The following RALYL variants were observed in gnomAD, a reference collection of about 807,000 sequenced individuals.
RALYL encodes RNA-binding Raly-like protein.
In RALYL, 29 loss-of-function variants were observed where a neutral mutation model predicts 35.1. The ratio of observed to expected loss-of-function variants is 0.83; its 90% CI spans 0.61 to 1.13. RALYL has a LOEUF of 1.13. Ranked by LOEUF, RALYL falls within the 50% of genes most tolerant of loss-of-function variation. The pLI, the probability that RALYL is intolerant of heterozygous loss-of-function variation, is 0.00. For synonymous variants in RALYL, 120 were observed against 127.6 expected (o/e 0.94, Z 0.40); for missense variants, 359 against 360.4 (o/e 1.00, Z 0.03).
intron 2 of RALYL, among the ~76,000 whole-genome samples, chr8:84,745,654 T>C (rs1197307444): frequency 6.6e-6 from 1 of 152,032 alleles, no homozygotes; most frequent in Non-Finnish European, 1.5e-5. Flanking sequence ...GTATCTCTTA[T>C]TTTATAAAGA....
chr8:84,573,976 C>T (rs563015012), intron 2 of RALYL, among the ~76,000 whole-genome samples: 26 of 151,854 alleles, frequency 1.7e-4, no homozygotes, highest in Non-Finnish European at 1.5e-4. Context: ...TCTTTTTCTA[C>T]TAACCTTTCT....
In RALYL at chr8:84,891,638, A is replaced by G. The variant is rs1457372543; in HGVS notation, c.858+3862A>G. Among the ~76,000 whole-genome samples the G allele has an allele frequency of 2.6e-5, 4 of 152,174 alleles. No homozygotes were observed. The East Asian group carries it at 7.7e-4, about 29-fold the overall frequency. On this transcript the variant is annotated intron_variant, in intron 8 of 8. Coordinates refer to ENST00000521268, the MANE Select transcript of RALYL (RefSeq NM_173848.7). ...ACTAGAGATAAATCCTATCTCTATTATATCATTTTGTTTCTAAGACTTGGA... is the reference window on the plus strand; with the variant it reads ...ACTAGAGATAAATCCTATCTCTATTGTATCATTTTGTTTCTAAGACTTGGA...
At chr8:84,763,746 C>T (rs1813233384) in intron 2 of RALYL, among the ~76,000 whole-genome samples, 1 of 152,056 alleles carries the variant, frequency 6.6e-6, no homozygotes, top group Non-Finnish European at 1.5e-5. Flanking sequence ...ACAGAGGACA[C>T]AAAATAACTT....
intron 1 of RALYL, among the ~76,000 whole-genome samples, chr8:84,508,183 T>C (rs1371871807): frequency 2.8e-4 from 43 of 152,132 alleles, no homozygotes; most frequent in Admixed American, 2.8e-3. Context: ...GCATGTGTTG[T>C]TCAAGTTCAC....
At chr8:84,214,413 A>C (rs1161245618) in intron 1 of RALYL, among the ~76,000 whole-genome samples, 4 of 152,154 alleles carry the variant, frequency 2.6e-5, no homozygotes, top group Non-Finnish European at 5.9e-5. Context: ...AATTTAAATA[A>C]ACTAAGTAGA....
chr8:84,320,592 G>A (rs995746632), intron 1 of RALYL, among the ~76,000 whole-genome samples: 1 of 152,014 alleles, frequency 6.6e-6, no homozygotes, highest in Non-Finnish European at 1.5e-5. Flanking sequence ...GAATTTAAAT[G>A]TTAGTTGTTG....
intron 1 of RALYL, among the ~76,000 whole-genome samples, chr8:84,218,420 G>A (rs949155001): frequency 1.3e-5 from 2 of 152,148 alleles, no homozygotes; most frequent in East Asian, 3.9e-4. Flanking sequence ...AATGCTGTCA[G>A]TTCAACTGTG....
intron 1 of RALYL, among the ~76,000 whole-genome samples, chr8:84,318,816 A>G (rs544504133): frequency 1.2e-4 from 18 of 152,276 alleles, no homozygotes; most frequent in African/African-American, 4.1e-4. Flanking sequence ...AGGTAATTCT[A>G]TGAAGCATGT....
Position 84,705,913 on chromosome 8 carries a change from G to C in RALYL, c.257-68666G>C, listed in dbSNP as rs1400264114. On this transcript the variant is annotated intron_variant, in intron 2 of 8. Transcript: ENST00000521268. ...CCCTGGCTTTCACTGTGTGATTGCT[G>C]GTTACCTTCTGTCAGTGAGCAACAG... 2.0e-6 allele frequency: 3 copies of C among 1,490,100 alleles called. No homozygotes were observed. The African/African-American group carries it at 4.2e-5, about 21-fold the overall frequency. The allele number at this position is 1,490,100 out of a possible 1,614,324, so 92.3% of individuals were successfully genotyped here. A position where few individuals can be genotyped will look rare whatever the true frequency, so the allele number is the denominator to read the frequency against.
intron 1 of RALYL, among the ~76,000 whole-genome samples, chr8:84,460,597 G>T (rs141611455): frequency 0.012 from 1,787 of 151,742 alleles, 32 homozygotes; most frequent in African/African-American, 0.04. Flanking sequence ...ATCTAAAAAA[G>T]GGGGAAAAGC....
chr8:84,385,427 A>G (rs1407594796), intron 1 of RALYL, among the ~76,000 whole-genome samples: 4 of 151,972 alleles, frequency 2.6e-5, no homozygotes, highest in Non-Finnish European at 4.4e-5. Context: ...TGAACCTTAA[A>G]TATGATACTT....
chr8:84,711,135 A>G (rs1301932851), intron 2 of RALYL, among the ~76,000 whole-genome samples: 1 of 152,144 alleles, frequency 6.6e-6, no homozygotes, highest in Non-Finnish European at 1.5e-5. Flanking sequence ...CCTGAGGAAC[A>G]TTGGGATAAT....
Position 84,654,270 on chromosome 8 carries a change from C to CATATATATATATAT in RALYL, c.257-120278_257-120265dup, listed in dbSNP as rs143309933. On this transcript the variant is annotated intron_variant, in intron 2 of 8. Coordinates refer to ENST00000521268, the MANE Select transcript of RALYL (RefSeq NM_173848.7). ...CAACGTATATGTATATCTCATGTTC[C>CATATATATATATAT]ATATATATATATATATATATATATA... Among the ~76,000 whole-genome samples the CATATATATATATAT allele has an allele frequency of 6.7e-4, 30 of 44,522 alleles. 2 individuals carry two copies. The highest frequency in any genetic ancestry group is 1.5e-3 in the East Asian group (1 of 660). The allele number at this position is 44,522 out of a possible 152,430, so 29.2% of individuals were successfully genotyped here. A position where few individuals can be genotyped will look rare whatever the true frequency, so the allele number is the denominator to read the frequency against.
intron 2 of RALYL, among the ~76,000 whole-genome samples, chr8:84,555,768 A>G (rs995884853): frequency 1.3e-5 from 2 of 152,214 alleles, no homozygotes; most frequent in African/African-American, 4.8e-5. Flanking sequence ...GTATATGATA[A>G]TCATTGTAGC....
At chr8:84,371,112 G>A (rs940667107) in intron 1 of RALYL, among the ~76,000 whole-genome samples, 1 of 151,788 alleles carries the variant, frequency 6.6e-6, no homozygotes, top group Non-Finnish European at 1.5e-5. Flanking sequence ...TCCTCCTCAC[G>A]GAAGCCCCAA....
chr8:84,546,141 T>C (rs536615612), intron 2 of RALYL, among the ~76,000 whole-genome samples: 20 of 150,038 alleles, frequency 1.3e-4, no homozygotes, highest in Non-Finnish European at 1.8e-4. Flanking sequence ...AAGATATATA[T>C]TTTTTTTTGA....
intron 1 of RALYL, among the ~76,000 whole-genome samples, chr8:84,213,945 A>T (rs2131207595): frequency 6.6e-6 from 1 of 152,274 alleles, no homozygotes; most frequent in African/African-American, 2.4e-5. Context: ...ATATTATTGG[A>T]ATTTGAATGA....
chr8:84,884,195 TTC>T (rs1842604715), intron 7 of RALYL, among the ~76,000 whole-genome samples: 1 of 152,034 alleles, frequency 6.6e-6, no homozygotes, highest in Non-Finnish European at 1.5e-5. Flanking sequence ...GACAACGATC[TTC>T]TGAGGCAATA....
chr8:84,882,800 C>A (rs1198472874), intron 7 of RALYL, among the ~76,000 whole-genome samples: 1 of 145,040 alleles, frequency 6.9e-6, no homozygotes, highest in Admixed American at 6.9e-5. Flanking sequence ...AGAAGAATAA[C>A]TATGCAAATA....
Sources: allele counts gnomAD v4.1 joint callset (sites outside exome capture counted in the v4.1 genomes callset), GRCh38; gene constraint gnomAD v4.1.1; transcripts MANE v1.5; gene names NCBI Gene and HGNC (gene_info 2026-07-23, HGNC 2026-07-21).